SHLD1: variants seen among roughly 807,000 people sequenced by gnomAD.
SHLD1 encodes the protein RINN1-REV7-interacting novel NHEJ regulator 3.
In SHLD1, 3 loss-of-function variants were observed where a neutral mutation model predicts 5.5. The observed-to-expected ratio is 0.54, with a 90% CI of 0.25 to 1.40. SHLD1 has a LOEUF of 1.40. Among genes scored for constraint, SHLD1 ranks in the 40% most tolerant of loss-of-function variants. The pLI, the probability that SHLD1 is intolerant of heterozygous loss-of-function variation, is 0.15. For missense variants in SHLD1, 210 were observed against 244.4 expected, an observed-to-expected ratio of 0.86 and a Z score of 0.94; for synonymous variants, 92 against 94.3, an observed-to-expected ratio of 0.98 and a Z score of 0.14.
chr20:5,779,178 G>C (rs909778770), intron 2 of SHLD1, among the ~76,000 whole-genome samples: 14 of 151,708 alleles, frequency 9.2e-5, no homozygotes, highest in African/African-American at 2.9e-4. Context: ...CTCTAGTCTG[G>C]GCAACAGAGT....
intron 1 of SHLD1, among the ~76,000 whole-genome samples, chr20:5,754,876 T>C (rs1376333922): frequency 2.0e-5 from 3 of 151,986 alleles, no homozygotes; most frequent in African/African-American, 7.2e-5. Context: ...GCCAACATGG[T>C]GAAACCCCAT....
intron 2 of SHLD1, among the ~76,000 whole-genome samples, chr20:5,833,237 A>T (rs1392440433): frequency 2.0e-5 from 3 of 152,124 alleles, no homozygotes; most frequent in Non-Finnish European, 4.4e-5. Flanking sequence ...AGACTCCTGA[A>T]ATATTTATTT....
intron 1 of SHLD1, among the ~76,000 whole-genome samples, chr20:5,760,011 T>C (rs75531552): frequency 0.015 from 1,682 of 115,202 alleles, 28 homozygotes; most frequent in African/African-American, 0.039. Flanking sequence ...CACACACACA[T>C]ATACATATAC....
chr20:5,836,076 G>A (rs540157702), intron 2 of SHLD1, among the ~76,000 whole-genome samples: 8 of 150,658 alleles, frequency 5.3e-5, no homozygotes, highest in South Asian at 4.2e-4. Context: ...TTTTTTTCTC[G>A]TTGCCTTGAC....
chr20:5,829,101 CCTGGGCTCA>C (rs3058150), intron 2 of SHLD1, among the ~76,000 whole-genome samples: 62,222 of 151,606 alleles, frequency 0.41, 15,221 homozygotes, highest in Non-Finnish European at 0.54. Context: ...GGTCTCAACT[CCTGGGCTCA>C]ATCTATCTGC....
intron 2 of SHLD1, among the ~76,000 whole-genome samples, chr20:5,833,280 G>A (rs1402565191): frequency 6.6e-6 from 1 of 152,130 alleles, no homozygotes; most frequent in African/African-American, 2.4e-5. Context: ...ATTTTAGGTT[G>A]AGGGGTACAC....
intron 2 of SHLD1, among the ~76,000 whole-genome samples, chr20:5,784,577 A>C (rs1416855683): frequency 1.3e-5 from 2 of 151,846 alleles, no homozygotes; most frequent in East Asian, 3.9e-4. Context: ...CAGCCTCCCG[A>C]GTAGCTGGGA....
At chr20:5,839,912 C>A (rs2087838204) in intron 2 of SHLD1, among the ~76,000 whole-genome samples, 1 of 152,190 alleles carries the variant, frequency 6.6e-6, no homozygotes, top group South Asian at 2.1e-4. Context: ...TCAGGTTGTC[C>A]CTGCGCCCCC....
intron 1 of SHLD1, among the ~76,000 whole-genome samples, chr20:5,767,127 C>CTT (rs899317361): frequency 2.9e-4 from 22 of 76,782 alleles, no homozygotes; most frequent in Admixed American, 2.6e-3. Flanking sequence ...TTCACATTTT[C>CTT]TTTTCTTTTC....
At chr20:5,795,288 A>G (rs2087195841) in intron 2 of SHLD1, among the ~76,000 whole-genome samples, 2 of 150,814 alleles carry the variant, frequency 1.3e-5, no homozygotes, top group South Asian at 2.1e-4. Flanking sequence ...CACACGCAAA[A>G]CCAAAGTGAT....
intron 2 of SHLD1, among the ~76,000 whole-genome samples, chr20:5,776,947 TATACTGTCAGGCTCC>T (rs1161277059): frequency 3.3e-5 from 5 of 152,134 alleles, no homozygotes; most frequent in Non-Finnish European, 5.9e-5. Flanking sequence ...TGTCAGGTTT[TATACTGTCAGGCTCC>T]ATGCTAAATA....
chr20:5,789,345 G>A (rs1338765788), intron 2 of SHLD1, among the ~76,000 whole-genome samples: 1 of 151,874 alleles, frequency 6.6e-6, no homozygotes, highest in African/African-American at 2.4e-5. Context: ...GGGAGGCCAA[G>A]GTGGGCAGAT....
chr20:5,807,208 A>G (rs752217994), intron 2 of SHLD1, among the ~76,000 whole-genome samples: 8 of 152,190 alleles, frequency 5.3e-5, no homozygotes, highest in Non-Finnish European at 1.2e-4. Context: ...AAACCTGAAA[A>G]TGTAGTATAA....
chr20:5,788,601 G>A (rs1041294144), intron 2 of SHLD1, among the ~76,000 whole-genome samples: 2 of 152,138 alleles, frequency 1.3e-5, no homozygotes, highest in East Asian at 1.9e-4. Context: ...GAATTTAAAC[G>A]TACCAGATGT....
chr20:5,798,998 C>A (rs528410023), intron 2 of SHLD1, among the ~76,000 whole-genome samples: 1 of 152,230 alleles, frequency 6.6e-6, no homozygotes, highest in Non-Finnish European at 1.5e-5. Flanking sequence ...ATTTGTGAGT[C>A]TCTACATGGC....
At chr20:5,798,591 T>C (rs975697730) in intron 2 of SHLD1, among the ~76,000 whole-genome samples, 20 of 146,128 alleles carry the variant, frequency 1.4e-4, no homozygotes, top group African/African-American at 2.0e-4. Flanking sequence ...CGTAAGCCAC[T>C]GCGCCTGGCC....
At chr20:5,839,850 T>C (rs918051667) in intron 2 of SHLD1, among the ~76,000 whole-genome samples, 10 of 152,226 alleles carry the variant, frequency 6.6e-5, no homozygotes, top group Admixed American at 2.6e-4. Flanking sequence ...GAGGTGGTTA[T>C]CGAAGCCTGG....
At chr20:5,831,144 A>C (rs959463917) in intron 2 of SHLD1, among the ~76,000 whole-genome samples, 1 of 152,232 alleles carries the variant, frequency 6.6e-6, no homozygotes, top group Non-Finnish European at 1.5e-5. Context: ...AGTGCAGACC[A>C]TTGAAAATGA....
At chr20:5,789,273 A>C in intron 2 of SHLD1, among the ~76,000 whole-genome samples, 1 of 150,616 alleles carries the variant, frequency 6.6e-6, no homozygotes, top group Non-Finnish European at 1.5e-5. Flanking sequence ...TGATGAAATT[A>C]TAGTACCATT....
Sources: gnomAD v4.1 joint callset for allele counts (sites outside exome capture counted in the v4.1 genomes callset) on GRCh38, gnomAD v4.1.1 for gene constraint, MANE v1.5 for transcripts, NCBI Gene and HGNC (gene_info 2026-07-23, HGNC 2026-07-21) for gene names.